The following BAHCC1 variants were observed in gnomAD, a reference collection of about 807,000 sequenced individuals.
BAHCC1 encodes the protein BAH domain and coiled-coil containing 1, also known as BAH and coiled-coil domain-containing protein 1.
A neutral mutation model predicts 88.2 loss-of-function variants in BAHCC1; 43 were observed. The observed-to-expected ratio is 0.49, with a 90% CI of 0.38 to 0.63. The LOEUF (loss-of-function observed/expected upper bound fraction) is 0.63, where lower values mean the gene tolerates loss of function less well. BAHCC1 is among the 20% of genes least tolerant of loss of function. The pLI is 0.00. For synonymous variants in BAHCC1, 1,510 were observed against 745.5 expected (o/e 2.03, Z -16.71); for missense variants, 3,023 against 1,654.8 (o/e 1.83, Z -14.34).
rs1030872463 is a variant in BAHCC1, at chr17:81,435,740, C to G, written c.359-2630C>G. The stretch of plus-strand genomic sequence containing the variant: ...GGAGCCCTCCCCAGGACCACCACCC[C>G]CACTCCTCAGTGGCAACCCCTTCCA... On this transcript the variant is annotated intron_variant, in intron 3 of 27. Coordinates refer to ENST00000675386, the MANE Select transcript of BAHCC1 (RefSeq NM_001377448.1). The surrounding 1 kb of genome is among the most constrained non-coding windows in gnomAD (Gnocchi z 4.4). Among the ~76,000 whole-genome samples, 30 of 151,848 alleles carry G rather than the reference C, an allele frequency of 2.0e-4. No individual in the cohort carries two copies. The highest frequency in any genetic ancestry group is 3.8e-4 in the Non-Finnish European group (26 of 67,912).
At chr17:81,452,904 C>T (rs560078476) in intron 14 of BAHCC1, 53 bp downstream of exon 14, 11 of 667,938 alleles carry the variant, frequency 1.6e-5, no homozygotes, top group African/African-American at 7.6e-5. Flanking sequence ...CCTGGGCCCT[C>T]GAGGCTGGGG....
rs1342821387 is a variant in BAHCC1, at chr17:81,435,840, A to T, written c.359-2530A>T. On this transcript the variant is annotated intron_variant, in intron 3 of 27. Transcript: ENST00000675386. This position sits in a 1 kb window ranked among gnomAD's most constrained non-coding sequence, Gnocchi z 4.4. ...CTCCTCAGTGGCAGCCCCTTCCAGG[A>T]TGCCTGTGTGTCCCCGGCCCAGCCA... Among the ~76,000 whole-genome samples the T allele has an allele frequency of 6.6e-6, 1 of 151,482 alleles. No individual in the cohort carries two copies. The highest frequency in any genetic ancestry group is 1.5e-5 in the Non-Finnish European group (1 of 67,862).
At chr17:81,441,668 C>CAAAAAA (rs11333301) in intron 4 of BAHCC1, among the ~76,000 whole-genome samples, 163 bp from the exon 5 acceptor site, 1 of 91,672 alleles carries the variant, frequency 1.1e-5, no homozygotes, top group African/African-American at 4.5e-5. Context: ...GACTCCGTCT[C>CAAAAAA]AAAAAAAAAA....
chr17:81,403,307 C>T (rs957082770), intron 2 of BAHCC1, among the ~76,000 whole-genome samples: 2 of 152,174 alleles, frequency 1.3e-5, no homozygotes, highest in African/African-American at 4.8e-5. Flanking sequence ...ATAATCTGCT[C>T]AGATTCCCCT....
In BAHCC1 at chr17:81,434,563, G is replaced by A. The variant is rs180797338; in HGVS notation, c.359-3807G>A. Among the ~76,000 whole-genome samples the A allele has an allele frequency of 7.9e-4, 121 of 152,300 alleles. No individual in the cohort carries two copies. Among genetic ancestry groups the A allele is most frequent in the African/African-American group, 2.9e-3 (119 of 41,556 alleles). On this transcript the variant is annotated intron_variant, in intron 3 of 27. Transcript: ENST00000675386. The surrounding 1 kb of genome is among the most constrained non-coding windows in gnomAD (Gnocchi z 4.9). ...CCTGAGCTCTGTGGCCCCAAGTGGG[G>A]CTTCCTGGGTGACCCTGCAGTGGGA...
In BAHCC1 at chr17:81,435,813, C is replaced by T. The variant is rs982824033; in HGVS notation, c.359-2557C>T. 1.3e-5 allele frequency among the ~76,000 whole-genome samples: 2 copies of T among 152,064 alleles called. No homozygotes were observed. Among genetic ancestry groups the T allele is most frequent in the African/African-American group, 4.8e-5 (2 of 41,404 alleles). On this transcript the variant is annotated intron_variant, in intron 3 of 27. Transcript: ENST00000675386. This position sits in a 1 kb window ranked among gnomAD's most constrained non-coding sequence, Gnocchi z 4.4. ...CGGCCGCAGCAGCCCTGCCTTCCCC[C>T]ACTCCTCAGTGGCAGCCCCTTCCAG...
intron 2 of BAHCC1, among the ~76,000 whole-genome samples, chr17:81,417,067 T>C (rs1297834746): frequency 6.6e-6 from 1 of 151,538 alleles, no homozygotes; most frequent in African/African-American, 2.4e-5. Flanking sequence ...GAGGCCGGAG[T>C]GTAGGAGGGC....
chr17:81,443,299 A>G lies in BAHCC1; in HGVS notation c.1950A>G (p.Ala650=), dbSNP rs781874169. ...AGGCCCTGGTGGTGGGCCAGAAAGC[A>G]CCCTTGGTGGGCCTGGGTGGCCTCA... ...SSQALVVGQK[A]PLVGLGGLKA... is the part of the protein sequence containing the mutation. Residue 650 remains alanine (A), a synonymous_variant, in exon 5 of 28, where the codon GCA becomes GCG. Transcript: ENST00000675386. 1.3e-6 allele frequency: 1 copy of G among 779,322 alleles called. No homozygotes were observed. Among genetic ancestry groups the G allele is most frequent in the South Asian group, 1.3e-5 (1 of 74,622 alleles). The allele number at this position is 779,322 out of a possible 1,614,324, so 48.3% of individuals were successfully genotyped here.
chr17:81,399,150 T>C lies in BAHCC1; in HGVS notation c.-206-384T>C, dbSNP rs567887012. 551 of 380,776 alleles carry C rather than the reference T, an allele frequency of 1.4e-3. 4 individuals carry two copies. Among genetic ancestry groups the C allele is most frequent in the Non-Finnish European group, 1.7e-3 (324 of 188,834 alleles). The allele number at this position is 380,776 out of a possible 1,614,324, so 23.6% of individuals were successfully genotyped here. A position where few individuals can be genotyped will look rare whatever the true frequency, so the allele number is the denominator to read the frequency against. Reference sequence around the variant, plus strand: ...GTGAGTGTGTGTGTGTGTGTGTGTGTGTGCGAGTGTGCGTGATGGCTTCGC... The same window carrying C: ...GTGAGTGTGTGTGTGTGTGTGTGTGCGTGCGAGTGTGCGTGATGGCTTCGC... On this transcript the variant is annotated intron_variant, in intron 1 of 27. Coordinates refer to ENST00000675386, the MANE Select transcript of BAHCC1 (RefSeq NM_001377448.1). This position sits in a 1 kb window ranked among gnomAD's most constrained non-coding sequence, Gnocchi z 4.5.
At chr17:81,403,069 A>C (rs1382933643) in intron 2 of BAHCC1, 3 of 152,240 alleles carry the variant, frequency 2.0e-5, no homozygotes, top group Admixed American at 6.5e-5. Context: ...AGAAATCAAC[A>C]AGAACCAACC....
Position 81,456,471 on chromosome 17 carries a change from G to C in BAHCC1, c.4744G>C (p.Ala1582Pro), listed in dbSNP as rs1306096571. ...GCGCATCCGGGAGAAGCTGTCCCGA[G>C]CCAAGAGTGCCAAGGTGTCTGGGGC... ...GGRIREKLSR[A>P]KSAKVSGATR... Residue 1582 changes from alanine to proline, a missense_variant, in exon 16 of 28, where the codon GCC becomes CCC. Physicochemically the swap from Ala to Pro is conservative, Grantham distance 27. Coordinates refer to ENST00000675386, the MANE Select transcript of BAHCC1 (RefSeq NM_001377448.1). 1.4e-6 allele frequency: 1 copy of C among 720,870 alleles called. No individual in the cohort carries two copies. Among genetic ancestry groups the C allele is most frequent in the Non-Finnish European group, 2.6e-6 (1 of 387,312 alleles). 44.7% of individuals were successfully genotyped at this position (720,870 alleles called of 1,614,324 possible). A position where few individuals can be genotyped will look rare whatever the true frequency, so the allele number is the denominator to read the frequency against.
chr17:81,432,421 C>T (rs2064270644), intron 3 of BAHCC1, among the ~76,000 whole-genome samples: 1 of 152,056 alleles, frequency 6.6e-6, no homozygotes, highest in Non-Finnish European at 1.5e-5. Flanking sequence ...GAGCTGATGT[C>T]CAGGGTGCCG....
At chr17:81,452,303 G>A (rs1243131225) in intron 13 of BAHCC1, among the ~76,000 whole-genome samples, 196 bp downstream of exon 13, 1 of 152,162 alleles carries the variant, frequency 6.6e-6, no homozygotes, top group Non-Finnish European at 1.5e-5. Context: ...GGCCAGCAGC[G>A]AGACCAAGTG....
Position 81,438,407 on chromosome 17 carries a change from C to T in BAHCC1, c.396C>T (p.Ser132=), listed in dbSNP as rs1555652036. 1.3e-6 allele frequency: 1 copy of T among 778,762 alleles called. No homozygotes were observed. Among genetic ancestry groups the T allele is most frequent in the Non-Finnish European group, 2.4e-6 (1 of 417,548 alleles). 48.2% of individuals were successfully genotyped at this position (778,762 alleles called of 1,614,324 possible). ...GYPRFSGSLA[S]TFLPVSHLDH... The stretch of plus-strand genomic sequence containing the variant: ...CCAGATTTTCGGGGAGTCTGGCATC[C>T]ACCTTCCTACCCGTGAGCCACTTGG... The change falls in exon 4 of 28, where the codon TCC becomes TCT. Residue 132 remains serine, a synonymous_variant. Transcript: ENST00000675386.
intron 4 of BAHCC1, among the ~76,000 whole-genome samples, 153 bp from the exon 5 acceptor site, chr17:81,441,668 CAAAAAAAAAA>C (rs11333301): frequency 1.1e-5 from 1 of 91,670 alleles, no homozygotes; most frequent in Non-Finnish European, 2.1e-5. Context: ...GACTCCGTCT[CAAAAAAAAAA>C]AAAAAAAAAA....
chr17:81,461,684 GACA>G lies in BAHCC1; in HGVS notation c.7024_7026del (p.Asn2342del). 1 of 722,386 alleles carries G rather than the reference GACA, an allele frequency of 1.4e-6. No homozygotes were observed. Among genetic ancestry groups the G allele is most frequent in the Non-Finnish European group, 2.6e-6 (1 of 387,708 alleles). The allele number at this position is 722,386 out of a possible 1,614,324, so 44.7% of individuals were successfully genotyped here. On this transcript the variant is annotated inframe_deletion, in exon 26 of 28. Transcript: ENST00000675386. ...GTCCACCTCCAGCCTCTGCTCCTCC[GACA>G]ACGAGGACTCGTCCTACAGCTCAGA... is the stretch of plus-strand genomic sequence containing the variant.
intron 23 of BAHCC1, 25 bp from the exon 24 acceptor site, chr17:81,460,252 G>A: frequency 2.7e-6 from 2 of 744,310 alleles, no homozygotes; most frequent in South Asian, 2.9e-5. Flanking sequence ...GGTTCCAGCT[G>A]CAAGCTCAGG....
At chr17:81,425,434 TG>T (rs1221540992) in intron 2 of BAHCC1, among the ~76,000 whole-genome samples, 1 of 33,236 alleles carries the variant, frequency 3.0e-5, no homozygotes, top group Non-Finnish European at 4.8e-5. Flanking sequence ...ATGTGGTTGG[TG>T]GTGATGTGGT....
chr17:81,455,726 C>T (rs1223376908), intron 15 of BAHCC1, among the ~76,000 whole-genome samples: 1 of 152,234 alleles, frequency 6.6e-6, no homozygotes, highest in African/African-American at 2.4e-5. Flanking sequence ...CCAGGGCACA[C>T]TTGGTGTGGC....
Sources: gnomAD v4.1 joint callset for allele counts (sites outside exome capture counted in the v4.1 genomes callset) on GRCh38, gnomAD v4.1.1 for gene constraint, Gnocchi (gnomAD v3.1) non-coding constraint, MANE v1.5 for transcripts, NCBI Gene and HGNC (gene_info 2026-07-23, HGNC 2026-07-21) for gene names.